The following ANKFN1 variants were observed in gnomAD, a reference collection of about 807,000 sequenced individuals.
ANKFN1 encodes ankyrin repeat and fibronectin type-III domain-containing protein 1.
ANKFN1 carries 74 observed loss-of-function variants against 108.7 expected under a neutral mutation model. The observed-to-expected ratio is 0.68, with a 90% CI of 0.56 to 0.83. ANKFN1 has a LOEUF of 0.83. Among genes scored for constraint, ANKFN1 ranks in the 40% least tolerant of loss-of-function variants. ANKFN1 has a pLI of 0.00. For synonymous variants in ANKFN1, 547 were observed against 516.2 expected (o/e 1.06, Z -0.81); for missense variants, 1,505 against 1,382.3 (o/e 1.09, Z -1.41).
intron 3 of ANKFN1, among the ~76,000 whole-genome samples, chr17:56,301,403 T>C (rs1567896845): frequency 6.6e-6 from 1 of 152,226 alleles, no homozygotes; most frequent in Non-Finnish European, 1.5e-5. Flanking sequence ...TAATCAACCA[T>C]AATGGCTTGG....
intron 4 of ANKFN1, among the ~76,000 whole-genome samples, chr17:56,052,373 T>C (rs1237353071): frequency 1.3e-5 from 2 of 152,054 alleles, no homozygotes; most frequent in Non-Finnish European, 2.9e-5. Flanking sequence ...GGGGCAGTGG[T>C]TCAGGAAGGA....
chr17:56,466,115 T>C (rs1438820396), intron 14 of ANKFN1, among the ~76,000 whole-genome samples: 1 of 152,192 alleles, frequency 6.6e-6, no homozygotes, highest in African/African-American at 2.4e-5. Context: ...ACATAATTTT[T>C]ATGCATCTTG....
intron 8 of ANKFN1, among the ~76,000 whole-genome samples, chr17:56,435,661 C>T (rs779639383): frequency 6.6e-6 from 1 of 151,684 alleles, no homozygotes; most frequent in Non-Finnish European, 1.5e-5. Flanking sequence ...ATATTCCTCC[C>T]GATGTGTGAA....
chr17:56,372,977 C>T (rs1567952612), intron 7 of ANKFN1, 137 bp downstream of exon 7: 1 of 844,496 alleles, frequency 1.2e-6, no homozygotes, highest in Non-Finnish European at 1.8e-6. Context: ...GGAGCAAGGG[C>T]TCTGAGAGGC....
chr17:56,195,359 C>T (rs982922166), intron 1 of ANKFN1: 5 of 152,196 alleles, frequency 3.3e-5, no homozygotes, highest in Non-Finnish European at 7.3e-5. Context: ...TCTGCCTATT[C>T]AAGGGTCTAC....
rs1320444319 is a variant in ANKFN1, at chr17:56,321,061, A to AG, written c.54-5158dup. Among the ~76,000 whole-genome samples, 5 of 127,234 alleles carry AG rather than the reference A, an allele frequency of 3.9e-5. No individual in the cohort carries two copies. The East Asian group carries it at 1.1e-3, about 27-fold the overall frequency. The allele number at this position is 127,234 out of a possible 152,430, so 83.5% of individuals were successfully genotyped here. The stretch of plus-strand genomic sequence containing the variant: ...CGTGAGCAGTCTGCATCTTTTCTTT[A>AG]GGAAAAAAAAAAAAAAAAAAGTCTG... On this transcript the variant is annotated intron_variant, in intron 3 of 20. Transcript: ENST00000682825.
chr17:56,337,082 GA>G (rs2045831673), intron 4 of ANKFN1, among the ~76,000 whole-genome samples: 1 of 152,182 alleles, frequency 6.6e-6, no homozygotes, highest in Non-Finnish European at 1.5e-5. Context: ...TGGTCTGAGA[GA>G]CAGTTTGTTG....
At chr17:56,371,659 G>A (rs551933561) in intron 6 of ANKFN1, among the ~76,000 whole-genome samples, 9 of 152,270 alleles carry the variant, frequency 5.9e-5, no homozygotes, top group Non-Finnish European at 1.0e-4. Context: ...CCATGCTGAG[G>A]CTCTTTTATC....
intron 3 of ANKFN1, among the ~76,000 whole-genome samples, chr17:56,322,971 T>C (rs1363002926): frequency 3.3e-5 from 5 of 152,218 alleles, no homozygotes; most frequent in African/African-American, 1.2e-4. Flanking sequence ...TGATTTTCTT[T>C]CTTAATTTTA....
In ANKFN1 at chr17:56,245,089, T is replaced by C. The variant is rs73991456; in HGVS notation, c.53+17132T>C. On this transcript the variant is annotated intron_variant, in intron 3 of 20. Coordinates refer to ENST00000682825, the MANE Select transcript of ANKFN1 (RefSeq NM_001370326.1). ...AAACCCTATTTTTATTTCAAATTCTTTATATTCAGTAGTCTATTTCTGTAA... is the reference window on the plus strand; with the variant it reads ...AAACCCTATTTTTATTTCAAATTCTCTATATTCAGTAGTCTATTTCTGTAA... Among the ~76,000 whole-genome samples the C allele has an allele frequency of 2.7e-3, 410 of 152,262 alleles. 1 individual carries two copies. Among genetic ancestry groups the C allele is most frequent in the African/African-American group, 9.0e-3 (374 of 41,566 alleles).
rs1413254873 is a variant in ANKFN1 at position 56,492,308 on chromosome 17, T to A, written c.2382T>A (p.Val794=). 1 of 702,612 alleles carries A rather than the reference T, an allele frequency of 1.4e-6. No homozygotes were observed. The highest frequency in any genetic ancestry group is 2.6e-6 in the Non-Finnish European group (1 of 384,722). The allele number at this position is 702,612 out of a possible 1,614,324, so 43.5% of individuals were successfully genotyped here. A position where few individuals can be genotyped will look rare whatever the true frequency, so the allele number is the denominator to read the frequency against. ...GGGAAGCAATCTCAGACAGCGAGGT[T>A]GCAGCTGCCAAACAAAGACACCAGC... ...SLREAISDSE[V]AAAKQRHQQV... The change falls in exon 19 of 21, where the codon GTT becomes GTA. Residue 794 remains valine (V), a synonymous_variant. Transcript: ENST00000682825.
At chr17:56,202,243 C>T (rs1256205319) in intron 1 of ANKFN1, among the ~76,000 whole-genome samples, 2 of 152,130 alleles carry the variant, frequency 1.3e-5, no homozygotes, top group African/African-American at 4.8e-5. Context: ...GTATCACATC[C>T]AAGAGTTACT....
chr17:56,511,346 A>G lies in ANKFN1; in HGVS notation c.*77A>G. 1 of 1,303,860 alleles carries G rather than the reference A, an allele frequency of 7.7e-7. No individual in the cohort carries two copies. Among genetic ancestry groups the G allele is most frequent in the East Asian group, 2.5e-5 (1 of 39,356 alleles). 80.8% of individuals were successfully genotyped at this position (1,303,860 alleles called of 1,614,324 possible). ...ATCACCCTTACCCCCATCCTGCCCC[A>G]CTGTGTACCCACTCATTTTCAAGCG... On this transcript the variant is annotated 3_prime_UTR_variant, in exon 21 of 21. Transcript: ENST00000682825.
Position 56,212,680 on chromosome 17 carries a change from G to T in ANKFN1, c.12+1G>T, listed in dbSNP as rs893385049. ...GTGGGCAGGCTACATGAATGAGAAG[G>T]TTAGTTTTTCCGCAGTCCTCCTTGA... On this transcript the variant is annotated splice_donor_variant, in intron 2 of 20. Coordinates refer to ENST00000682825, the MANE Select transcript of ANKFN1 (RefSeq NM_001370326.1). LOFTEE classifies it high-confidence loss of function. Among the ~76,000 whole-genome samples the T allele has an allele frequency of 6.6e-6, 1 of 152,154 alleles. No homozygotes were observed. The highest frequency in any genetic ancestry group is 6.5e-5 in the Admixed American group (1 of 15,278).
chr17:56,298,311 TTTCTGTATA>T (rs1598371827), intron 3 of ANKFN1, among the ~76,000 whole-genome samples: 2 of 152,340 alleles, frequency 1.3e-5, no homozygotes, highest in African/African-American at 4.8e-5. Context: ...TGTGAGATTT[TTTCTGTATA>T]TTCTACTTTT....
intron 14 of ANKFN1, among the ~76,000 whole-genome samples, chr17:56,459,572 T>C (rs527978872): frequency 1.3e-5 from 2 of 152,336 alleles, no homozygotes; most frequent in Non-Finnish European, 2.9e-5. Context: ...TTCTTTAGGA[T>C]AAATACATTC....
chr17:56,373,460 T>C (rs1307446244), intron 7 of ANKFN1, among the ~76,000 whole-genome samples: 1 of 152,214 alleles, frequency 6.6e-6, no homozygotes, highest in Admixed American at 6.5e-5. Context: ...AAAAACAAAA[T>C]ATAAAATTCA....
chr17:56,361,700 A>C (rs1339222657), intron 6 of ANKFN1, among the ~76,000 whole-genome samples: 1 of 152,170 alleles, frequency 6.6e-6, no homozygotes, highest in Non-Finnish European at 1.5e-5. Context: ...GTTATGGCTC[A>C]GTCATAATCT....
At chr17:56,385,343 G>A (rs2047229641) in intron 8 of ANKFN1, among the ~76,000 whole-genome samples, 1 of 152,148 alleles carries the variant, frequency 6.6e-6, no homozygotes, top group South Asian at 2.1e-4. Flanking sequence ...AGACTTAAAT[G>A]TTAGACCTAA....
Sources: gnomAD v4.1 joint callset for allele counts (sites outside exome capture counted in the v4.1 genomes callset) on GRCh38, gnomAD v4.1.1 for gene constraint, MANE v1.5 for transcripts, NCBI Gene and HGNC (gene_info 2026-07-23, HGNC 2026-07-21) for gene names.